The following LAMC1 variants were observed in gnomAD, a reference collection of about 807,000 sequenced individuals.
The protein encoded by LAMC1 is laminin subunit gamma 1, also known as laminin subunit gamma-1.
A neutral mutation model predicts 173.6 loss-of-function variants in LAMC1; 38 were observed. The ratio of observed to expected loss-of-function variants is 0.22; its 90% CI spans 0.17 to 0.29. LAMC1 has a LOEUF of 0.29. Among genes scored for constraint, LAMC1 ranks in the 10% least tolerant of loss-of-function variants. The pLI is 1.00. For missense variants in LAMC1, 1,824 were observed against 2,051.8 expected (o/e 0.89, Z 2.14); for synonymous variants, 746 against 749.1 (o/e 1.00, Z 0.07).
At chr1:183,115,354 A>C (rs1332619450) in intron 5 of LAMC1, among the ~76,000 whole-genome samples, 166 bp from the exon 6 acceptor site, 3 of 152,184 alleles carry the variant, frequency 2.0e-5, no homozygotes, top group Admixed American at 1.3e-4. Flanking sequence ...GATTTTGAGA[A>C]AGTTCTGATT....
At chr1:183,112,460 G>A (rs564402465) in intron 4 of LAMC1, among the ~76,000 whole-genome samples, 1 of 152,250 alleles carries the variant, frequency 6.6e-6, no homozygotes, top group African/African-American at 2.4e-5. Context: ...GGACTTTGAT[G>A]AGGAACTAAG....
intron 1 of LAMC1, among the ~76,000 whole-genome samples, chr1:183,036,434 G>A (rs1653986058): frequency 1.7e-5 from 2 of 119,720 alleles, no homozygotes; most frequent in South Asian, 5.2e-4. Context: ...CAAGAGTTTC[G>A]CTCTGTCACC....
At chr1:183,067,463 T>C (rs758082904) in intron 1 of LAMC1, among the ~76,000 whole-genome samples, 13 of 152,128 alleles carry the variant, frequency 8.5e-5, no homozygotes, top group Non-Finnish European at 1.9e-4. Context: ...TATATAGATA[T>C]ACATATATAT....
intron 21 of LAMC1, among the ~76,000 whole-genome samples, chr1:183,132,973 C>T (rs995451468): frequency 2.6e-5 from 4 of 152,074 alleles, no homozygotes; most frequent in East Asian, 1.9e-4. Context: ...TGCAATGGCG[C>T]GATCTCGGCT....
chr1:183,040,027 T>A (rs907017358), intron 1 of LAMC1, among the ~76,000 whole-genome samples: 1 of 151,960 alleles, frequency 6.6e-6, no homozygotes, highest in Non-Finnish European at 1.5e-5. Flanking sequence ...TTGGTGAGGG[T>A]GGTGTTGGAG....
intron 1 of LAMC1, among the ~76,000 whole-genome samples, chr1:183,076,570 A>G (rs1216977850): frequency 6.6e-6 from 1 of 152,202 alleles, no homozygotes; most frequent in Non-Finnish European, 1.5e-5. Flanking sequence ...AGGAGGGGCT[A>G]GCCTCCATTT....
chr1:183,051,798 A>T (rs1034130682), intron 1 of LAMC1, among the ~76,000 whole-genome samples: 1 of 152,192 alleles, frequency 6.6e-6, no homozygotes, highest in Non-Finnish European at 1.5e-5. Flanking sequence ...TCTGAGTTCT[A>T]ACTGAAGCCT....
chr1:183,055,502 A>G (rs1468576108), intron 1 of LAMC1, among the ~76,000 whole-genome samples: 2 of 151,968 alleles, frequency 1.3e-5, no homozygotes, highest in African/African-American at 4.8e-5. Context: ...TATAGGATTG[A>G]TGTGAGGATT....
chr1:183,061,151 A>G (rs1277711781), intron 1 of LAMC1, among the ~76,000 whole-genome samples: 1 of 152,206 alleles, frequency 6.6e-6, no homozygotes, highest in African/African-American at 2.4e-5. Flanking sequence ...GCAAACCACA[A>G]AAACTCTGGC....
chr1:183,121,973 C>T (rs2102091172), intron 12 of LAMC1, 29 bp downstream of exon 12: 2 of 1,610,148 alleles, frequency 1.2e-6, no homozygotes, highest in Non-Finnish European at 1.7e-6. Flanking sequence ...GCTCTTAGAC[C>T]TAACTTCTCT....
intron 1 of LAMC1, among the ~76,000 whole-genome samples, chr1:183,031,347 C>T (rs1399418090): frequency 6.6e-6 from 1 of 152,154 alleles, no homozygotes; most frequent in Non-Finnish European, 1.5e-5. Flanking sequence ...TCTTGTCGCC[C>T]AGGCTGGAGT....
intron 1 of LAMC1, among the ~76,000 whole-genome samples, chr1:183,044,561 C>G (rs1654217270): frequency 6.6e-6 from 1 of 151,964 alleles, no homozygotes; most frequent in Non-Finnish European, 1.5e-5. Flanking sequence ...ACAGAGAAAC[C>G]TAGGACTAAA....
At chr1:183,090,988 C>T (rs1158037395) in intron 1 of LAMC1, among the ~76,000 whole-genome samples, 2 of 152,190 alleles carry the variant, frequency 1.3e-5, no homozygotes, top group Non-Finnish European at 2.9e-5. Context: ...CCATCCCCTC[C>T]CCTACCTGCT....
chr1:183,090,513 ACAAT>A, intron 1 of LAMC1, among the ~76,000 whole-genome samples: 2 of 152,352 alleles, frequency 1.3e-5, no homozygotes, highest in South Asian at 4.1e-4. Context: ...GCATCTGCTC[ACAAT>A]CAGTCACTTG....
intron 26 of LAMC1, among the ~76,000 whole-genome samples, chr1:183,139,266 C>T (rs1220819406): frequency 1.7e-4 from 26 of 152,184 alleles, no homozygotes; most frequent in Admixed American, 1.7e-3. Flanking sequence ...ACAAACCACC[C>T]TCACATGCAC....
chr1:183,068,539 A>T (rs978780087), intron 1 of LAMC1, among the ~76,000 whole-genome samples: 7 of 152,202 alleles, frequency 4.6e-5, no homozygotes, highest in Non-Finnish European at 1.0e-4. Context: ...CATTTTCCTC[A>T]CAAGAACTCT....
chr1:183,117,632 G>A lies in LAMC1; in HGVS notation c.1786G>A (p.Val596Met), dbSNP rs778470509. 6.2e-7 allele frequency: 1 copy of A among 1,614,186 alleles called. No individual in the cohort carries two copies. The highest frequency in any genetic ancestry group is 1.7e-5 in the Admixed American group (1 of 60,030). Residue 596 changes from valine (V) to methionine (M), a missense_variant, in exon 10 of 28, where the codon GTG (valine) becomes ATG (methionine). By Grantham distance (21) the Val-to-Met change is conservative (BLOSUM62 1). Transcript: ENST00000258341. ...RDTRLSAEDL[V>M]LEGAGLRVSV... ...TACTCGCCTCTCTGCAGAAGACCTTGTGCTTGAGGGAGCTGGCTTAAGAGT... is the reference window on the plus strand; with the variant it reads ...TACTCGCCTCTCTGCAGAAGACCTTATGCTTGAGGGAGCTGGCTTAAGAGT...
intron 23 of LAMC1, 45 bp downstream of exon 23, chr1:183,134,854 G>T (rs1656892959): frequency 1.3e-6 from 2 of 1,591,088 alleles, no homozygotes; most frequent in South Asian, 1.1e-5. Flanking sequence ...GGCAACATTT[G>T]AACAGTCCAA....
intron 1 of LAMC1, among the ~76,000 whole-genome samples, chr1:183,027,213 TAAA>T (rs777335022): frequency 3.8e-4 from 58 of 152,150 alleles, no homozygotes; most frequent in African/African-American, 1.4e-3. Context: ...CATCCTCGGA[TAAA>T]AAGAGTTAAA....
Sources: allele counts gnomAD v4.1 joint callset (sites outside exome capture counted in the v4.1 genomes callset), GRCh38; gene constraint gnomAD v4.1.1; transcripts MANE v1.5; gene names NCBI Gene and HGNC (gene_info 2026-07-23, HGNC 2026-07-21).